Variants in ADORA2A observed in about 807,000 individuals in gnomAD.
ADORA2A encodes the protein adenosine receptor A2a.
ADORA2A carries 11 observed loss-of-function variants against 18.4 expected under a neutral mutation model. The observed-to-expected ratio is 0.60, with a 90% confidence interval of 0.38 to 0.99. The LOEUF is 0.99. Ranked by LOEUF, ADORA2A falls within the 50% of genes least tolerant of loss-of-function variation. The probability of loss-of-function intolerance (pLI) is 0.01; values close to 1 mark genes in which losing one functional copy is unlikely to be tolerated. For missense variants in ADORA2A, 449 were observed against 556.1 expected, an observed-to-expected ratio of 0.81 and a Z score of 1.94; for synonymous variants, 218 against 237.3, an observed-to-expected ratio of 0.92 and a Z score of 0.75.
Position 24,433,750 on chromosome 22 carries a change from G to A in ADORA2A, c.332+14G>A. The A allele has an allele frequency of 6.3e-7, 1 of 1,598,766 alleles. No individual in the cohort carries two copies. The highest frequency in any genetic ancestry group is 8.5e-7 in the Non-Finnish European group (1 of 1,177,684). Reference sequence around the variant, plus strand: ...CATCCCGCTCCGGTGAGCAGGGCCGGGGTTACATCTGTGCAAAGGCTGTTG... The same window carrying A: ...CATCCCGCTCCGGTGAGCAGGGCCGAGGTTACATCTGTGCAAAGGCTGTTG... On this transcript the variant is annotated intron_variant, in intron 2 of 2. Coordinates refer to ENST00000337539, the MANE Select transcript of ADORA2A (RefSeq NM_000675.6).
At chr22:24,423,806 T>TC, upstream of ADORA2A, 1 of 151,350 alleles carries the variant, frequency 6.6e-6, no homozygotes, top group Admixed American at 6.6e-5. Flanking sequence ...ATGCCTCGGG[T>TC]CCCCCTCCGG....
upstream of ADORA2A, among the ~76,000 whole-genome samples, chr22:24,424,131 G>A (rs1407834021): frequency 6.6e-6 from 1 of 151,912 alleles, no homozygotes; most frequent in African/African-American, 2.4e-5. The surrounding 1 kb of genome is among the most constrained non-coding windows in gnomAD (Gnocchi z 4.9). Context: ...CCGCCGCCCC[G>A]AGACCAGTTC....
chr22:24,425,342 C>G (rs947450922), upstream of ADORA2A, among the ~76,000 whole-genome samples: 3 of 122,384 alleles, frequency 2.5e-5, no homozygotes, highest in East Asian at 2.8e-4. Flanking sequence ...GCAGCACCCC[C>G]CCCCCCCCCG....
chr22:24,426,562 G>A (rs970259040), upstream of ADORA2A, among the ~76,000 whole-genome samples: 14 of 152,174 alleles, frequency 9.2e-5, no homozygotes, highest in African/African-American at 2.9e-4. Context: ...AGATGGGGAA[G>A]GGAATGGAGC....
At chr22:24,423,971 C>T (rs1231880366), upstream of ADORA2A, 1 of 151,934 alleles carries the variant, frequency 6.6e-6, no homozygotes, top group Non-Finnish European at 1.5e-5. Context: ...AGCCGGGGTG[C>T]TAGGTCTGGC....
chr22:24,441,652 G>A lies in ADORA2A; in HGVS notation c.*163G>A. On this transcript the variant is annotated 3_prime_UTR_variant, in exon 3 of 3. Transcript: ENST00000337539. Reference sequence around the variant, plus strand: ...GGAGCCCCAGGCTGGAGCAGCATGAGGCCCAGCAAGAAGGGCTTGGGTTCT... The same window carrying A: ...GGAGCCCCAGGCTGGAGCAGCATGAAGCCCAGCAAGAAGGGCTTGGGTTCT... 2 of 657,248 alleles carry A rather than the reference G, an allele frequency of 3.0e-6. No individual in the cohort carries two copies. The highest frequency in any genetic ancestry group is 4.6e-6 in the Non-Finnish European group (2 of 437,000). The allele number at this position is 657,248 out of a possible 1,614,324, so 40.7% of individuals were successfully genotyped here.
At chr22:24,435,533 G>C (rs1247509547) in intron 2 of ADORA2A, among the ~76,000 whole-genome samples, 1 of 152,212 alleles carries the variant, frequency 6.6e-6, no homozygotes, top group Non-Finnish European at 1.5e-5. Context: ...TGAGAGTTGA[G>C]AGAATGACTC....
chr22:24,433,265 C>A lies in ADORA2A; in HGVS notation c.-140C>A. On this transcript the variant is annotated 5_prime_UTR_variant, in exon 2 of 3. Transcript: ENST00000337539. ...AGCGCCCCAGCAGGGCTGCACTTGG[C>A]TCCTGTGAGGAAGGGGCTCAGGGGT... The A allele has an allele frequency of 1.3e-6, 1 of 785,362 alleles. No homozygotes were observed. The highest frequency in any genetic ancestry group is 2.0e-6 in the Non-Finnish European group (1 of 503,682). The allele number at this position is 785,362 out of a possible 1,614,324, so 48.6% of individuals were successfully genotyped here.
chr22:24,426,308 C>T (rs551416608), upstream of ADORA2A, among the ~76,000 whole-genome samples: 29 of 152,318 alleles, frequency 1.9e-4, 1 homozygote, highest in South Asian at 4.8e-3. Context: ...AAACAGAGCC[C>T]TGAGCACGCA....
intron 1 of ADORA2A, among the ~76,000 whole-genome samples, chr22:24,431,836 G>T (rs2043044636): frequency 6.6e-6 from 1 of 152,162 alleles, no homozygotes; most frequent in Non-Finnish European, 1.5e-5. Flanking sequence ...CAAAACTTCT[G>T]CTTCTGAGGG....
chr22:24,440,288 AAACT>A (rs2043304499), intron 2 of ADORA2A, among the ~76,000 whole-genome samples: 2 of 152,232 alleles, frequency 1.3e-5, no homozygotes, highest in Admixed American at 6.5e-5. Context: ...TCCTCCAACC[AAACT>A]AAGTCCCAGG....
chr22:24,431,478 GA>G, intron 1 of ADORA2A: 1 of 456,838 alleles, frequency 2.2e-6, no homozygotes, highest in Admixed American at 2.3e-5. Flanking sequence ...CAATGGGGTA[GA>G]GGGGAGCCTG....
upstream of ADORA2A, among the ~76,000 whole-genome samples, chr22:24,426,501 C>T (rs967685082): frequency 1.3e-5 from 2 of 152,136 alleles, no homozygotes; most frequent in African/African-American, 4.8e-5. Context: ...ACAGGAGGGG[C>T]TTGGTCCTAG....
At chr22:24,438,842 A>C (rs2032300562) in intron 2 of ADORA2A, 1 of 152,068 alleles carries the variant, frequency 6.6e-6, no homozygotes, top group East Asian at 1.9e-4. Context: ...ATTAGTTGAC[A>C]AAACTTAAAT....
At chr22:24,428,992 A>G (rs1601397488) in intron 1 of ADORA2A, among the ~76,000 whole-genome samples, 1 of 152,270 alleles carries the variant, frequency 6.6e-6, no homozygotes, top group Admixed American at 6.5e-5. Flanking sequence ...TCTGGAGCCC[A>G]GGAACAGGCC....
intron 2 of ADORA2A, among the ~76,000 whole-genome samples, chr22:24,434,160 A>G (rs1173346454): frequency 1.3e-5 from 2 of 152,306 alleles, no homozygotes; most frequent in Non-Finnish European, 2.9e-5. Context: ...GTGGGGAGCC[A>G]GGGGAAACCA....
At chr22:24,431,426 A>T in intron 1 of ADORA2A, 1 of 456,644 alleles carries the variant, frequency 2.2e-6, no homozygotes, top group Non-Finnish European at 4.4e-6. Context: ...TTGGAGTTGG[A>T]GGGAAAGTTG....
chr22:24,435,915 G>A (rs143578286), intron 2 of ADORA2A, among the ~76,000 whole-genome samples: 9 of 152,298 alleles, frequency 5.9e-5, no homozygotes, highest in African/African-American at 1.7e-4. Flanking sequence ...GGATGACGAC[G>A]ATGATGTTCA....
At chr22:24,438,658 G>A (rs2043241119) in intron 2 of ADORA2A, 1 of 152,216 alleles carries the variant, frequency 6.6e-6, no homozygotes, top group Non-Finnish European at 1.5e-5. Flanking sequence ...ACTGACCTAA[G>A]AGATTCAGAA....
Sources: gnomAD v4.1 joint callset for allele counts (sites outside exome capture counted in the v4.1 genomes callset) on GRCh38, gnomAD v4.1.1 for gene constraint, Gnocchi (gnomAD v3.1) non-coding constraint, MANE v1.5 for transcripts, NCBI Gene and HGNC (gene_info 2026-07-23, HGNC 2026-07-21) for gene names.